The following KIRREL3 variants were observed in gnomAD, a reference collection of about 807,000 sequenced individuals.
KIRREL3 encodes kirre like nephrin family adhesion molecule 3.
A neutral mutation model predicts 89.7 loss-of-function variants in KIRREL3; 36 were observed. The observed-to-expected ratio is 0.40, with a 90% CI of 0.31 to 0.53. The LOEUF is 0.53. KIRREL3 is among the 20% of genes least tolerant of loss of function. The pLI is 0.49. For synonymous variants in KIRREL3, 445 were observed against 441.4 expected (o/e 1.01, Z -0.10); for missense variants, 864 against 1,056.6 (o/e 0.82, Z 2.53).
At chr11:126,738,065 T>C (rs1460761467) in intron 1 of KIRREL3, among the ~76,000 whole-genome samples, 2 of 152,042 alleles carry the variant, frequency 1.3e-5, no homozygotes, top group Non-Finnish European at 2.9e-5. Flanking sequence ...TCATTCTCCT[T>C]AGTGAGGGCT....
Position 126,970,964 on chromosome 11 carries a change from T to C in KIRREL3, c.55+29491A>G, listed in dbSNP as rs1014364562. On this transcript the variant is annotated intron_variant, in intron 1 of 16. Transcript: ENST00000525144. The surrounding 1 kb of genome is among the most constrained non-coding windows in gnomAD (Gnocchi z 4.4). ...ACCCACCAGTCTCCCTTACAGTAGC[T>C]GCGAGGTGCACAGGTAGTTTTAGGA... 6.6e-6 allele frequency among the ~76,000 whole-genome samples: 1 copy of C among 152,336 alleles called. No individual in the cohort carries two copies. The highest frequency in any genetic ancestry group is 2.1e-4 in the South Asian group (1 of 4,830).
intron 1 of KIRREL3, among the ~76,000 whole-genome samples, chr11:126,963,734 A>G (rs1949171978): frequency 6.6e-6 from 1 of 152,140 alleles, no homozygotes; most frequent in African/African-American, 2.4e-5. Context: ...TGTGTTTCTT[A>G]CGTCTTCAGC....
chr11:126,845,477 C>CT (rs1056721300), intron 1 of KIRREL3, among the ~76,000 whole-genome samples: 159 of 152,198 alleles, frequency 1.0e-3, no homozygotes, highest in Non-Finnish European at 1.0e-3. Flanking sequence ...CTCTGTGTGT[C>CT]TTTTTTGTAC....
chr11:126,844,642 C>T lies in KIRREL3; in HGVS notation c.55+155813G>A, dbSNP rs573696420. 6.6e-6 allele frequency among the ~76,000 whole-genome samples: 1 copy of T among 152,232 alleles called. No individual in the cohort carries two copies. Among genetic ancestry groups the T allele is most frequent in the African/African-American group, 2.4e-5 (1 of 41,550 alleles). On this transcript the variant is annotated intron_variant, in intron 1 of 16. Coordinates refer to ENST00000525144, the MANE Select transcript of KIRREL3 (RefSeq NM_032531.4). The surrounding 1 kb of genome is among the most constrained non-coding windows in gnomAD (Gnocchi z 4.8). ...CAACTTAGGAAGGTTAGAGTCCTTC[C>T]TAAGATTTAGGGAATTAGAGGCCTC... is the stretch of plus-strand genomic sequence containing the variant.
rs1186040367 is a variant in KIRREL3 at position 126,475,879 on chromosome 11, G to A, written c.434-2413C>T. 2.0e-5 allele frequency among the ~76,000 whole-genome samples: 3 copies of A among 152,188 alleles called. No individual in the cohort carries two copies. The highest frequency in any genetic ancestry group is 7.2e-5 in the African/African-American group (3 of 41,452). On this transcript the variant is annotated intron_variant, in intron 4 of 16. Transcript: ENST00000525144. This position sits in a 1 kb window ranked among gnomAD's most constrained non-coding sequence, Gnocchi z 7.5. The stretch of plus-strand genomic sequence containing the variant: ...GAAGAGCAGGGCTCAGAGGTGGCCA[G>A]CCTTCACCCTTCTTTCTTCAAGGCA...
chr11:126,446,171 T>A lies in KIRREL3; in HGVS notation c.1125+588A>T, dbSNP rs1232121174. Among the ~76,000 whole-genome samples, 49 of 123,532 alleles carry A rather than the reference T, an allele frequency of 4.0e-4. No homozygotes were observed. In the South Asian group the frequency reaches 5.4e-3, roughly 14 times the overall value. 81.0% of individuals were successfully genotyped at this position (123,532 alleles called of 152,430 possible). A position where few individuals can be genotyped will look rare whatever the true frequency, so the allele number is the denominator to read the frequency against. On this transcript the variant is annotated intron_variant, in intron 9 of 16. Coordinates refer to ENST00000525144, the MANE Select transcript of KIRREL3 (RefSeq NM_032531.4). The stretch of plus-strand genomic sequence containing the variant: ...CTCAAAAAAAAAAAAAAAAAAAAAA[T>A]GGAACACAGGAAAGTGAAGCCCAAG...
Position 126,531,979 on chromosome 11 carries a change from A to G in KIRREL3, c.134-5292T>C, listed in dbSNP as rs1209366972. 6.6e-6 allele frequency among the ~76,000 whole-genome samples: 1 copy of G among 152,202 alleles called. No homozygotes were observed. Among genetic ancestry groups the G allele is most frequent in the African/African-American group, 2.4e-5 (1 of 41,450 alleles). ...TACTAACCCGGCAGATACTGTTCAGAGCACACCACACAGGAGAAAGGTGAG... is the reference window on the plus strand; with the variant it reads ...TACTAACCCGGCAGATACTGTTCAGGGCACACCACACAGGAGAAAGGTGAG... On this transcript the variant is annotated intron_variant, in intron 2 of 16. Transcript: ENST00000525144. This position sits in a 1 kb window ranked among gnomAD's most constrained non-coding sequence, Gnocchi z 4.7.
Position 126,978,710 on chromosome 11 carries a change from T to A in KIRREL3, c.55+21745A>T, listed in dbSNP as rs569610718. 1.3e-5 allele frequency among the ~76,000 whole-genome samples: 2 copies of A among 152,284 alleles called. No homozygotes were observed. The highest frequency in any genetic ancestry group is 2.9e-5 in the Non-Finnish European group (2 of 68,006). On this transcript the variant is annotated intron_variant, in intron 1 of 16. Transcript: ENST00000525144. The surrounding 1 kb of genome is among the most constrained non-coding windows in gnomAD (Gnocchi z 4.2). ...TTCTTAGCTAATGTCCACTCTGCCC[T>A]GGAGCTTTGCTTCATGGTGGGAGTT...
At chr11:126,743,378 A>G (rs547075798) in intron 1 of KIRREL3, among the ~76,000 whole-genome samples, 77 of 152,296 alleles carry the variant, frequency 5.1e-4, no homozygotes, top group Non-Finnish European at 8.2e-4. Flanking sequence ...TGAGGCCCCA[A>G]TTTCAGCTAT....
chr11:126,462,634 C>A lies in KIRREL3; in HGVS notation c.742+523G>T, dbSNP rs1479216331. ...TGAGCCGAGATTGCGTCATTACACT[C>A]CAGCCTGGGCAACAGAGTGAGACTC... On this transcript the variant is annotated intron_variant, in intron 6 of 16. Transcript: ENST00000525144. The surrounding 1 kb of genome is among the most constrained non-coding windows in gnomAD (Gnocchi z 4.8). 6.6e-6 allele frequency among the ~76,000 whole-genome samples: 1 copy of A among 152,124 alleles called. No homozygotes were observed. Among genetic ancestry groups the A allele is most frequent in the African/African-American group, 2.4e-5 (1 of 41,406 alleles).
In KIRREL3 at chr11:126,463,033, G is replaced by T; in HGVS notation, c.742+124C>A. On this transcript the variant is annotated intron_variant, in intron 6 of 16. Coordinates refer to ENST00000525144, the MANE Select transcript of KIRREL3 (RefSeq NM_032531.4). The surrounding 1 kb of genome is among the most constrained non-coding windows in gnomAD (Gnocchi z 5.9). Reference sequence around the variant, plus strand: ...TCCTTCCTGTCCGTATCTACAAGCTGGCCAATCCACAGAGCTGCCTGACCC... The same window carrying T: ...TCCTTCCTGTCCGTATCTACAAGCTTGCCAATCCACAGAGCTGCCTGACCC... 1 of 865,416 alleles carries T rather than the reference G, an allele frequency of 1.2e-6. No individual in the cohort carries two copies. Among genetic ancestry groups the T allele is most frequent in the Non-Finnish European group, 1.8e-6 (1 of 554,632 alleles). 53.6% of individuals were successfully genotyped at this position (865,416 alleles called of 1,614,324 possible).
chr11:126,887,409 G>C lies in KIRREL3; in HGVS notation c.55+113046C>G, dbSNP rs73032215. Among the ~76,000 whole-genome samples the C allele has an allele frequency of 3.3e-5, 5 of 152,274 alleles. No individual in the cohort carries two copies. In the East Asian group the frequency reaches 9.7e-4, roughly 29 times the overall value. On this transcript the variant is annotated intron_variant, in intron 1 of 16. Transcript: ENST00000525144. ...ATTACTGATTATGGTCATGGTCAGC[G>C]TGCTTTCCAAGGAGAATTCTCCCCG...
chr11:126,673,926 C>T (rs1217200937), intron 1 of KIRREL3, among the ~76,000 whole-genome samples: 9 of 152,176 alleles, frequency 5.9e-5, no homozygotes, highest in African/African-American at 2.2e-4. Context: ...GCCAGGAGGG[C>T]CCATCTATGT....
rs1945687276 is a variant in KIRREL3 at position 126,886,133 on chromosome 11, G to A, written c.55+114322C>T. On this transcript the variant is annotated intron_variant, in intron 1 of 16. Coordinates refer to ENST00000525144, the MANE Select transcript of KIRREL3 (RefSeq NM_032531.4). ...CTGTTAGTCCTAGTGAAGAGGCTAA[G>A]TGGTTTTGACCCACGAATACTTACA... Among the ~76,000 whole-genome samples, 3 of 152,148 alleles carry A rather than the reference G, an allele frequency of 2.0e-5. No homozygotes were observed. In the South Asian group the frequency reaches 6.2e-4, roughly 32 times the overall value.
At chr11:126,536,487 A>G (rs1937887167) in intron 2 of KIRREL3, among the ~76,000 whole-genome samples, 1 of 152,058 alleles carries the variant, frequency 6.6e-6, no homozygotes, top group African/African-American at 2.4e-5. Flanking sequence ...TGGTGGTGAG[A>G]GGCACAGATC....
chr11:126,998,965 G>A (rs1199663974), intron 1 of KIRREL3, among the ~76,000 whole-genome samples: 1 of 133,404 alleles, frequency 7.5e-6, no homozygotes, highest in African/African-American at 2.9e-5. Context: ...GTGCTCATAA[G>A]CAAGCACATA....
chr11:126,576,800 T>A lies in KIRREL3; in HGVS notation c.56-13888A>T, dbSNP rs530176958. ...TTTAATCAGCTGAGGAGCAAGGGAT[T>A]CCTGAGCCACAAATGAGGCTCTCCC... On this transcript the variant is annotated intron_variant, in intron 1 of 16. Coordinates refer to ENST00000525144, the MANE Select transcript of KIRREL3 (RefSeq NM_032531.4). This position sits in a 1 kb window ranked among gnomAD's most constrained non-coding sequence, Gnocchi z 5.4. 1.3e-5 allele frequency among the ~76,000 whole-genome samples: 2 copies of A among 152,324 alleles called. No individual in the cohort carries two copies. Among genetic ancestry groups the A allele is most frequent in the South Asian group, 4.1e-4 (2 of 4,828 alleles).
intron 1 of KIRREL3, among the ~76,000 whole-genome samples, chr11:126,593,029 T>TAGGCCTGAAGCCTCCAGCTCCC (rs1942223687): frequency 6.6e-6 from 1 of 152,170 alleles, no homozygotes; most frequent in Non-Finnish European, 1.5e-5. Context: ...AAAGGGCTTC[T>TAGGCCTGAAGCCTCCAGCTCCC]AGGCCTGAAG....
chr11:126,534,916 C>A (rs1937722608), intron 2 of KIRREL3, among the ~76,000 whole-genome samples: 1 of 152,164 alleles, frequency 6.6e-6, no homozygotes, highest in East Asian at 1.9e-4. Flanking sequence ...CTTGGATGAA[C>A]CCTGTCCTGA....
Sources: gnomAD v4.1 joint callset for allele counts (sites outside exome capture counted in the v4.1 genomes callset) on GRCh38, gnomAD v4.1.1 for gene constraint, Gnocchi (gnomAD v3.1) non-coding constraint, MANE v1.5 for transcripts, NCBI Gene and HGNC (gene_info 2026-07-23, HGNC 2026-07-21) for gene names.